MILR1: variants seen among roughly 807,000 people sequenced by gnomAD.
MILR1 encodes mast cell immunoglobulin like receptor 1.
In MILR1, 31 loss-of-function variants were observed where a neutral mutation model predicts 18.5. That is an observed-to-expected ratio of 1.68 (90% CI 1.26 to 2.26). MILR1 has a LOEUF of 2.26. Ranked by LOEUF, MILR1 falls within the 30% of genes most tolerant of loss-of-function variation. MILR1 has a pLI of 0.00. For synonymous variants in MILR1, 85 were observed against 56.2 expected (o/e 1.51, Z -2.30); for missense variants, 257 against 157.4 (o/e 1.63, Z -3.38).
chr17:64,479,183 G>GTTTT, the MILR1 span, among the ~76,000 whole-genome samples: 2 of 126,932 alleles, frequency 1.6e-5, no homozygotes, highest in Non-Finnish European at 1.7e-5. Context: ...TCTGAAAGGT[G>GTTTT]TTTTTTTTTT....
intron 2 of MILR1, among the ~76,000 whole-genome samples, chr17:64,451,298 T>A (rs2037166179): frequency 6.6e-6 from 1 of 151,946 alleles, no homozygotes; most frequent in Admixed American, 6.6e-5. Context: ...CGCACCATCA[T>A]GCCCAGCTAA....
the MILR1 span, chr17:64,482,861 C>CTTTTGGATACA: frequency 1.0e-6 from 1 of 988,002 alleles, no homozygotes; most frequent in Non-Finnish European, 1.6e-6. Context: ...TGGTCCAAAG[C>CTTTTGGATACA]GTTTTTGGAT....
the MILR1 span, among the ~76,000 whole-genome samples, chr17:64,476,337 A>T: frequency 6.6e-6 from 1 of 152,110 alleles, no homozygotes; most frequent in African/African-American, 2.4e-5. Flanking sequence ...TTAACAAAAG[A>T]TCCTTAAATA....
the MILR1 span, among the ~76,000 whole-genome samples, chr17:64,488,289 A>T: frequency 6.6e-6 from 1 of 152,242 alleles, no homozygotes; most frequent in Admixed American, 6.5e-5. Flanking sequence ...ATATTTTATA[A>T]CATGTTCAAC....
At chr17:64,494,358 CA>C in the MILR1 span, among the ~76,000 whole-genome samples, 1 of 152,112 alleles carries the variant, frequency 6.6e-6, no homozygotes, top group Non-Finnish European at 1.5e-5. Context: ...CTGAAGACAC[CA>C]AATTTGATTA....
the MILR1 span, chr17:64,477,962 G>A: frequency 5.0e-6 from 8 of 1,613,798 alleles, no homozygotes; most frequent in Non-Finnish European, 6.8e-6. Context: ...AACCAAAACT[G>A]TGAAGAGAAT....
the MILR1 span, chr17:64,480,507 T>C: frequency 1.9e-6 from 1 of 536,220 alleles, no homozygotes; most frequent in Admixed American, 2.8e-5. Flanking sequence ...TATGTTTCTT[T>C]AATTATGTGA....
chr17:64,468,653 G>A (rs557616822), downstream of MILR1: 8 of 1,117,764 alleles, frequency 7.2e-6, no homozygotes, highest in Admixed American at 1.4e-4. Flanking sequence ...ATCCTTCTCT[G>A]AGCCTTCTGA....
the MILR1 span, among the ~76,000 whole-genome samples, chr17:64,489,398 T>C: frequency 1.3e-5 from 2 of 151,320 alleles, no homozygotes; most frequent in African/African-American, 4.9e-5. Flanking sequence ...AAAACACCAT[T>C]GGCAAACCTC....
chr17:64,466,293 G>A, intron 6 of MILR1, 149 bp from the exon 7 acceptor site: 1 of 693,794 alleles, frequency 1.4e-6, no homozygotes, highest in South Asian at 1.7e-5. Flanking sequence ...TGTGATTTGG[G>A]TGAGGACACA....
At chr17:64,465,114 G>A (rs1295968051) in intron 5 of MILR1, among the ~76,000 whole-genome samples, 1 of 152,094 alleles carries the variant, frequency 6.6e-6, no homozygotes, top group Non-Finnish European at 1.5e-5. Flanking sequence ...AATTCAATAG[G>A]CCATTTACAC....
downstream of MILR1, among the ~76,000 whole-genome samples, chr17:64,471,365 A>C (rs1399816452): frequency 1.3e-5 from 2 of 152,066 alleles, no homozygotes; most frequent in Admixed American, 1.3e-4. Flanking sequence ...ACTGGTGTCC[A>C]ACGCTCACTG....
intron 2 of MILR1, among the ~76,000 whole-genome samples, chr17:64,450,417 T>G (rs7224553): frequency 6.6e-6 from 1 of 152,120 alleles, no homozygotes; most frequent in Non-Finnish European, 1.5e-5. Context: ...CTCCTCCAAT[T>G]CTTCTCCCCT....
chr17:64,456,642 CT>C (rs1465608836), intron 3 of MILR1, among the ~76,000 whole-genome samples: 4 of 151,998 alleles, frequency 2.6e-5, no homozygotes, highest in Non-Finnish European at 5.9e-5. Context: ...GAGACTCTGT[CT>C]CTACAAAACA....
chr17:64,481,335 G>C, the MILR1 span: 1 of 985,324 alleles, frequency 1.0e-6, no homozygotes. Context: ...ACAAAAGCCA[G>C]GGTCAGAAAG....
chr17:64,452,317 G>A (rs1244544056), intron 2 of MILR1, among the ~76,000 whole-genome samples: 2 of 152,080 alleles, frequency 1.3e-5, no homozygotes, highest in Non-Finnish European at 2.9e-5. Flanking sequence ...GCAGTGGCAT[G>A]ATCTTGGCTC....
chr17:64,469,340 G>A (rs185461969), downstream of MILR1, among the ~76,000 whole-genome samples: 4 of 152,144 alleles, frequency 2.6e-5, no homozygotes, highest in Non-Finnish European at 5.9e-5. Context: ...AAGCTTCAAG[G>A]AGACCCATCA....
At chr17:64,469,355 T>A (rs2037651447), downstream of MILR1, among the ~76,000 whole-genome samples, 1 of 152,170 alleles carries the variant, frequency 6.6e-6, no homozygotes, top group African/African-American at 2.4e-5. Context: ...CCATCATGCA[T>A]GTTTAGGGCC....
chr17:64,456,217 G>A (rs1427245704), intron 3 of MILR1, among the ~76,000 whole-genome samples: 1 of 152,048 alleles, frequency 6.6e-6, no homozygotes, highest in East Asian at 1.9e-4. Flanking sequence ...CAAGACTGTC[G>A]TGAAGGTCAA....
Sources: gnomAD v4.1 joint callset for allele counts (sites outside exome capture counted in the v4.1 genomes callset) on GRCh38, gnomAD v4.1.1 for gene constraint, MANE v1.5 for transcripts, NCBI Gene and HGNC (gene_info 2026-07-23, HGNC 2026-07-21) for gene names.